Variants in TXNDC16 observed in about 807,000 individuals in gnomAD.
TXNDC16 encodes thioredoxin domain containing 16.
Under a neutral mutation model 85.6 loss-of-function variants are expected in TXNDC16, and 74 were observed. That is an observed-to-expected ratio of 0.86 (90% CI 0.72 to 1.05). TXNDC16 has a LOEUF of 1.05. Ranked by LOEUF, TXNDC16 falls within the 50% of genes least tolerant of loss-of-function variation. TXNDC16 has a pLI of 0.00. For missense variants in TXNDC16, 959 were observed against 947.0 expected, an observed-to-expected ratio of 1.01 and a Z score of -0.17; for synonymous variants, 335 against 326.5, an observed-to-expected ratio of 1.03 and a Z score of -0.28.
chr14:52,486,359 C>G (rs1209907446), intron 12 of TXNDC16, among the ~76,000 whole-genome samples: 1 of 149,078 alleles, frequency 6.7e-6, no homozygotes, highest in Non-Finnish European at 1.5e-5. Context: ...TCTCAGCTCA[C>G]TGCAACCTCC....
chr14:52,440,613 G>A lies in TXNDC16; in HGVS notation c.1954C>T (p.Leu652=). Residue 652 remains leucine (L), a synonymous_variant, in exon 19 of 21, where the codon CTG becomes TTG. Transcript: ENST00000281741. ...GAATCCAAGTATTTCTGCTTTACCA[G>A]TGTCAATATTGCTTTTTTATACTGA... ...NPQYKKAILT[L]VKQKYLDSFT... 1 of 1,609,254 alleles carries A rather than the reference G, an allele frequency of 6.2e-7. No homozygotes were observed. Among genetic ancestry groups the A allele is most frequent in the Non-Finnish European group, 8.5e-7 (1 of 1,178,552 alleles).
chr14:52,456,962 A>C (rs1412362511), intron 17 of TXNDC16, 128 bp downstream of exon 17: 1 of 627,462 alleles, frequency 1.6e-6, no homozygotes, highest in African/African-American at 2.0e-5. Flanking sequence ...CCTAGAAGGA[A>C]ATAAAAAAAA....
intron 16 of TXNDC16, among the ~76,000 whole-genome samples, chr14:52,467,066 G>C (rs1437939716): frequency 6.6e-6 from 1 of 151,486 alleles, no homozygotes; most frequent in Non-Finnish European, 1.5e-5. Context: ...AAAACTAATA[G>C]ACTAAGTATC....
chr14:52,536,833 A>T (rs1566587211), intron 5 of TXNDC16, 40 bp from the exon 6 acceptor site: 6 of 1,477,940 alleles, frequency 4.1e-6, no homozygotes, highest in Middle Eastern at 2.2e-4. Context: ...TGAAAAATAC[A>T]AAAAATATTT....
chr14:52,536,831 A>C, intron 5 of TXNDC16, 38 bp from the exon 6 acceptor site: 1 of 1,489,514 alleles, frequency 6.7e-7, no homozygotes. Flanking sequence ...ATTGAAAAAT[A>C]CAAAAAATAT....
chr14:52,517,324 G>A (rs76770276), intron 7 of TXNDC16, among the ~76,000 whole-genome samples: 1 of 152,106 alleles, frequency 6.6e-6, no homozygotes, highest in Non-Finnish European at 1.5e-5. Flanking sequence ...GGGAGAGGGG[G>A]AGGGAAGCCA....
At chr14:52,518,718 T>C (rs753923502) in intron 7 of TXNDC16, among the ~76,000 whole-genome samples, 18 of 152,070 alleles carry the variant, frequency 1.2e-4, no homozygotes, top group African/African-American at 2.9e-4. Flanking sequence ...GAAACTACTA[T>C]ACCAGGTAAA....
At chr14:52,537,561 C>G in intron 5 of TXNDC16, 38 bp downstream of exon 5, 1 of 1,357,056 alleles carries the variant, frequency 7.4e-7, no homozygotes, top group East Asian at 2.3e-5. Context: ...AGAAGTATAG[C>G]TTTGTATTTG....
At chr14:52,515,264 T>C (rs1335743642) in intron 7 of TXNDC16, among the ~76,000 whole-genome samples, 2 of 152,306 alleles carry the variant, frequency 1.3e-5, no homozygotes, top group East Asian at 3.9e-4. Flanking sequence ...GAAAAGAATA[T>C]GAATCCACCA....
intron 14 of TXNDC16, among the ~76,000 whole-genome samples, chr14:52,480,975 G>GTGTATGTATATATATATATATATA (rs1238227587): frequency 7.4e-6 from 1 of 135,002 alleles, no homozygotes; most frequent in African/African-American, 2.8e-5. Flanking sequence ...ATATATATAT[G>GTGTATGTATATATATATATATATA]TATATATATA....
At chr14:52,526,279 CTT>C (rs1191793131) in intron 6 of TXNDC16, among the ~76,000 whole-genome samples, 1 of 152,154 alleles carries the variant, frequency 6.6e-6, no homozygotes, top group African/African-American at 2.4e-5. Context: ...AGTGGTAATA[CTT>C]TTACAGGGTT....
At position 52,432,393 on chromosome 14, in the gene TXNDC16, T is replaced by C. The variant is rs1473304004; in HGVS notation, c.2389A>G (p.Ile797Val). Residue 797 changes from isoleucine (I) to valine (V), a missense_variant, in exon 21 of 21, where the codon ATA (isoleucine) becomes GTA (valine). Physicochemically the swap from Ile to Val is conservative, Grantham distance 29 (BLOSUM62 3). Coordinates refer to ENST00000281741, the MANE Select transcript of TXNDC16 (RefSeq NM_020784.3). Reference protein sequence around the residue: ...VRKEPIETLRIKHWNRSNWFK... With the variant: ...VRKEPIETLRVKHWNRSNWFK... ...CAATTACTTCTATTCCAATGCTTTA[T>C]TCTCAGAGTTTCAATCGGTTCTTTT... The C allele has an allele frequency of 6.2e-7, 1 of 1,613,942 alleles. No homozygotes were observed. The highest frequency in any genetic ancestry group is 1.3e-5 in the African/African-American group (1 of 74,934).
At chr14:52,467,411 T>TAAA (rs1392803084) in intron 16 of TXNDC16, among the ~76,000 whole-genome samples, 1 of 151,920 alleles carries the variant, frequency 6.6e-6, no homozygotes, top group Non-Finnish European at 1.5e-5. Context: ...AAAATATAAA[T>TAAA]AACCCAATTT....
chr14:52,497,079 T>G (rs1460236711), intron 9 of TXNDC16, among the ~76,000 whole-genome samples: 2 of 152,106 alleles, frequency 1.3e-5, no homozygotes, highest in Non-Finnish European at 2.9e-5. Flanking sequence ...GAAACATTCT[T>G]GCATTGGGGT....
Position 52,474,735 on chromosome 14 carries a change from A to C in TXNDC16, c.1313-4055T>G, listed in dbSNP as rs78201200. On this transcript the variant is annotated intron_variant, in intron 14 of 20. Coordinates refer to ENST00000281741, the MANE Select transcript of TXNDC16 (RefSeq NM_020784.3). ...ACAAGAGTGAAACTCCATCTCAAAA[A>C]AAAAAAAAAATTACAGATCACAGTG... is the stretch of plus-strand genomic sequence containing the variant. Among the ~76,000 whole-genome samples the C allele has an allele frequency of 1.3e-4, 20 of 152,322 alleles. No individual in the cohort carries two copies. The East Asian group carries it at 3.9e-3, about 29-fold the overall frequency.
intron 9 of TXNDC16, among the ~76,000 whole-genome samples, chr14:52,505,952 C>T (rs577773949): frequency 1.3e-5 from 2 of 152,176 alleles, no homozygotes; most frequent in Non-Finnish European, 2.9e-5. Context: ...CACCTCTACA[C>T]AAATAAACTA....
chr14:52,551,479 A>G lies in TXNDC16; in HGVS notation c.-182+837T>C, dbSNP rs1310597597. Among the ~76,000 whole-genome samples the G allele has an allele frequency of 5.1e-5, 5 of 97,724 alleles. No homozygotes were observed. The East Asian group carries it at 4.0e-3, about 77-fold the overall frequency. The allele number at this position is 97,724 out of a possible 152,430, so 64.1% of individuals were successfully genotyped here. On this transcript the variant is annotated intron_variant, in intron 1 of 20. Coordinates refer to ENST00000281741, the MANE Select transcript of TXNDC16 (RefSeq NM_020784.3). ...GAGACCCTGCATGAAAAAAAGGAAA[A>G]AAAAAAAAAAAAGCATAGGACAAAG...
At position 52,431,602 on chromosome 14, in the gene TXNDC16, A is replaced by G. The variant is rs1295916282; in HGVS notation, c.*702T>C. 6.6e-6 allele frequency: 1 copy of G among 152,184 alleles called. No individual in the cohort carries two copies. The highest frequency in any genetic ancestry group is 2.4e-5 in the African/African-American group (1 of 41,444). 9.4% of individuals were successfully genotyped at this position (152,184 alleles called of 1,614,324 possible). On this transcript the variant is annotated 3_prime_UTR_variant, in exon 21 of 21. Transcript: ENST00000281741. ...GTTACTCAGCCTTGGCACGACTACC[A>G]TTTCGGGCAGGATAATTCTTTGTTG... is the stretch of plus-strand genomic sequence containing the variant.
At chr14:52,517,614 C>T (rs1419744690) in intron 7 of TXNDC16, among the ~76,000 whole-genome samples, 1 of 152,112 alleles carries the variant, frequency 6.6e-6, no homozygotes, top group Non-Finnish European at 1.5e-5. Flanking sequence ...CAGAGATGAA[C>T]CTTCTGTGCT....
Sources: gnomAD v4.1 joint callset for allele counts (sites outside exome capture counted in the v4.1 genomes callset) on GRCh38, gnomAD v4.1.1 for gene constraint, MANE v1.5 for transcripts, NCBI Gene and HGNC (gene_info 2026-07-23, HGNC 2026-07-21) for gene names.